The following SMIM22 variants were observed in gnomAD, a reference collection of about 807,000 sequenced individuals.
The protein encoded by SMIM22 is small integral membrane protein 22.
A neutral mutation model predicts 8.4 loss-of-function variants in SMIM22; 16 were observed. The observed-to-expected ratio is 1.90, with a 90% CI of 1.29 to 2.89. The LOEUF (loss-of-function observed/expected upper bound fraction) is 2.89. Among genes scored for constraint, SMIM22 ranks in the 30% most tolerant of loss-of-function variants. The pLI is 0.00. For missense variants in SMIM22, 159 were observed against 107.5 expected, an observed-to-expected ratio of 1.48 and a Z score of -2.12; for synonymous variants, 67 against 47.6, an observed-to-expected ratio of 1.41 and a Z score of -1.68.
chr16:4,791,606 C>G (rs1206483670), upstream of SMIM22, among the ~76,000 whole-genome samples: 1 of 152,308 alleles, frequency 6.6e-6, no homozygotes, highest in African/African-American at 2.4e-5. Context: ...GTCCAGAAGT[C>G]TGACTCACCG....
At chr16:4,795,608 T>C in intron 1 of SMIM22, 107 bp from the exon 2 acceptor site, 1 of 1,362,454 alleles carries the variant, frequency 7.3e-7, no homozygotes, top group South Asian at 1.5e-5. Flanking sequence ...GTGGGGAAGC[T>C]GGCGCTGGGC....
intron 2 of SMIM22, among the ~76,000 whole-genome samples, chr16:4,789,021 T>TTTTTGTTGTTTG (rs1411576027): frequency 1.3e-5 from 2 of 152,228 alleles, no homozygotes; most frequent in African/African-American, 2.4e-5. Flanking sequence ...GCTGTTTCTT[T>TTTTTGTTGTTTG]TTTTGTTGTT....
chr16:4,795,020 G>A (rs562752979), upstream of SMIM22: 2 of 152,504 alleles, frequency 1.3e-5, no homozygotes, highest in Admixed American at 6.5e-5. Context: ...GGATTCCAAG[G>A]ACAACTCTAT....
rs1348978733 is a variant in SMIM22 at position 4,795,740 on chromosome 16, T to C, written c.6T>C (p.Ala2=). 1 of 1,535,764 alleles carries C rather than the reference T, an allele frequency of 6.5e-7. No individual in the cohort carries two copies. Residue 2 remains alanine, a synonymous_variant, in exon 2 of 4, where the codon GCT becomes GCC. Transcript: ENST00000586005. The part of the protein sequence containing the change: M[A]VSTEELEATV... ...GTGGCACGGTGCACGCCAAGATGGC[T>C]GTGTCCACAGAGGAGCTGGAGGCCA... is the stretch of plus-strand genomic sequence containing the variant.
At position 4,796,379 on chromosome 16, in the gene SMIM22, C is replaced by G. The variant is rs1443455921; in HGVS notation, c.*148C>G. On this transcript the variant is annotated 3_prime_UTR_variant, in exon 4 of 4. Transcript: ENST00000586005. ...CACCTGGCCTCTCCAAGCCTTCAGT[C>G]AGCACGACTGTGCCAGGTCATCCTC... 2 of 892,912 alleles carry G rather than the reference C, an allele frequency of 2.2e-6. No homozygotes were observed. The highest frequency in any genetic ancestry group is 3.4e-6 in the Non-Finnish European group (2 of 594,384). The allele number at this position is 892,912 out of a possible 1,614,324, so 55.3% of individuals were successfully genotyped here.
chr16:4,794,210 C>A (rs1185627376), upstream of SMIM22, among the ~76,000 whole-genome samples: 1 of 150,548 alleles, frequency 6.6e-6, no homozygotes, highest in Admixed American at 6.6e-5. Flanking sequence ...AGGGTTCAAG[C>A]AATTCTCCTG....
chr16:4,792,571 G>C (rs1196495643), upstream of SMIM22, among the ~76,000 whole-genome samples: 1 of 150,960 alleles, frequency 6.6e-6, no homozygotes, highest in East Asian at 2.0e-4. Context: ...GGAGGCTGAG[G>C]GGGGCGGATT....
rs1201724453 is a variant in SMIM22 at position 4,795,863 on chromosome 16, G to A, written c.124+5G>A. The A allele has an allele frequency of 1.3e-6, 2 of 1,535,680 alleles. No individual in the cohort carries two copies. The highest frequency in any genetic ancestry group is 8.7e-7 in the Non-Finnish European group (1 of 1,146,694). ...TTGTTTTCCTCACCTTCATGGGTAA[G>A]TGTGGCTGTGGCCTCTGGGTCCTCC... On this transcript the variant is annotated splice_donor_5th_base_variant and intron_variant, in intron 2 of 3. Coordinates refer to ENST00000586005, the MANE Select transcript of SMIM22 (RefSeq NM_001253794.2).
chr16:4,791,795 C>G (rs1446298091), upstream of SMIM22, among the ~76,000 whole-genome samples: 2 of 152,074 alleles, frequency 1.3e-5, no homozygotes, highest in Non-Finnish European at 2.9e-5. Context: ...TCAAGTGATT[C>G]TCCTGCCTCA....
chr16:4,792,520 T>G (rs1263639062), upstream of SMIM22, among the ~76,000 whole-genome samples: 1 of 145,740 alleles, frequency 6.9e-6, no homozygotes, highest in Non-Finnish European at 1.5e-5. Flanking sequence ...GAAGTATGTC[T>G]GCTGGGCGCG....
In SMIM22 at chr16:4,795,511, G is replaced by A. The variant is rs928064315; in HGVS notation, c.-21+62G>A. On this transcript the variant is annotated intron_variant, in intron 1 of 3. Transcript: ENST00000586005. ...GAGAGAGGGGAGATGACAGTGGCTG[G>A]GGAGAAGGTTGTCAGGGTAAGGACC... 19 of 615,338 alleles carry A rather than the reference G, an allele frequency of 3.1e-5. No individual in the cohort carries two copies. The African/African-American group carries it at 3.4e-4, about 11-fold the overall frequency. The allele number at this position is 615,338 out of a possible 1,614,324, so 38.1% of individuals were successfully genotyped here.
Position 4,796,288 on chromosome 16 carries a change from G to A in SMIM22, c.*57G>A, listed in dbSNP as rs755782432. 6.0e-5 allele frequency: 92 copies of A among 1,524,772 alleles called. No individual in the cohort carries two copies. The highest frequency in any genetic ancestry group is 7.8e-5 in the Non-Finnish European group (89 of 1,139,554). 94.5% of individuals were successfully genotyped at this position (1,524,772 alleles called of 1,614,324 possible). A position where few individuals can be genotyped will look rare whatever the true frequency, so the allele number is the denominator to read the frequency against. On this transcript the variant is annotated 3_prime_UTR_variant, in exon 4 of 4. Transcript: ENST00000586005. ...AGCCTTCTGTCTGCCCAGAGCCTGA[G>A]TCTGCAGTGTCTTCCAGTCCCCGTC...
intron 2 of SMIM22, among the ~76,000 whole-genome samples, chr16:4,789,011 G>A (rs957513657): frequency 2.0e-5 from 3 of 152,168 alleles, no homozygotes; most frequent in Non-Finnish European, 2.9e-5. Context: ...TCTCTGATAA[G>A]CTGTTTCTTT....
upstream of SMIM22, among the ~76,000 whole-genome samples, chr16:4,794,190 C>G (rs937810850): frequency 2.0e-5 from 3 of 152,144 alleles, no homozygotes; most frequent in African/African-American, 4.8e-5. Context: ...TCACTGCAAT[C>G]TCTGCCTCCA....
chr16:4,788,540 C>G (rs1198393968), exon 1 of SMIM22: 1 of 152,216 alleles, frequency 6.6e-6, no homozygotes, highest in Non-Finnish European at 1.5e-5. Flanking sequence ...GTCAGCTGGG[C>G]TCCCACCTCC....
At chr16:4,791,048 G>A (rs555563959), upstream of SMIM22, among the ~76,000 whole-genome samples, 6 of 152,338 alleles carry the variant, frequency 3.9e-5, no homozygotes, top group Admixed American at 6.5e-5. Flanking sequence ...TGTGGACTGC[G>A]TTTGAGCAGT....
chr16:4,793,109 C>CA (rs3085033), upstream of SMIM22, among the ~76,000 whole-genome samples: 1,919 of 66,924 alleles, frequency 0.029, 64 homozygotes, highest in African/African-American at 0.066. Flanking sequence ...AACTCTGTCT[C>CA]AAAAAAAAAA....
chr16:4,794,779 C>T (rs2082606756), upstream of SMIM22, among the ~76,000 whole-genome samples: 1 of 152,172 alleles, frequency 6.6e-6, no homozygotes, highest in Non-Finnish European at 1.5e-5. Flanking sequence ...CGGTCTCAAG[C>T]TCCTGATCTA....
chr16:4,792,480 G>A (rs1279573422), upstream of SMIM22, among the ~76,000 whole-genome samples: 8 of 144,176 alleles, frequency 5.5e-5, no homozygotes, highest in Non-Finnish European at 7.6e-5. Flanking sequence ...ATGAGCCACC[G>A]CGCCTAGCCT....
Sources: gnomAD v4.1 joint callset for allele counts (sites outside exome capture counted in the v4.1 genomes callset) on GRCh38, gnomAD v4.1.1 for gene constraint, MANE v1.5 for transcripts, NCBI Gene and HGNC (gene_info 2026-07-23, HGNC 2026-07-21) for gene names.